The following RPS6KA6 variants were observed in gnomAD, a reference collection of about 807,000 sequenced individuals.
RPS6KA6 encodes the protein ribosomal protein S6 kinase A6.
Under a neutral mutation model 65.4 loss-of-function variants are expected in RPS6KA6, and 27 were observed. The observed-to-expected ratio is 0.41, with a 90% confidence interval of 0.30 to 0.57. The LOEUF is 0.57. Among genes scored for constraint, RPS6KA6 ranks in the 20% least tolerant of loss-of-function variants. The probability of loss-of-function intolerance (pLI) is 0.24; values close to 1 mark genes in which losing one functional copy is unlikely to be tolerated. For missense variants in RPS6KA6, 486 were observed against 555.6 expected, an observed-to-expected ratio of 0.87 and a Z score of 1.26; for synonymous variants, 190 against 184.2, an observed-to-expected ratio of 1.03 and a Z score of -0.26.
chrX:84,178,253 C>T (rs2035798291), intron 1 of RPS6KA6, among the ~76,000 whole-genome samples: 1 of 111,428 alleles, frequency 9.0e-6, no homozygotes, highest in Admixed American at 9.6e-5. Context: ...TACTAAGCAA[C>T]TAACAGGTCA....
chrX:84,161,396 T>C (rs1387287388), intron 2 of RPS6KA6, among the ~76,000 whole-genome samples: 2 of 111,832 alleles, frequency 1.8e-5, no homozygotes, highest in African/African-American at 3.2e-5. Flanking sequence ...CATTTTTTAG[T>C]TGAACAATAA....
intron 3 of RPS6KA6, among the ~76,000 whole-genome samples, chrX:84,150,856 T>TAGAGAGG (rs1332802767): frequency 1.4e-4 from 13 of 95,556 alleles, no homozygotes; most frequent in Admixed American, 2.5e-4. Flanking sequence ...GATATATATA[T>TAGAGAGG]ATAGAGGATA....
At chrX:84,184,620 G>A (rs1203797098) in intron 1 of RPS6KA6, among the ~76,000 whole-genome samples, 2 of 110,016 alleles carry the variant, frequency 1.8e-5, no homozygotes, top group African/African-American at 6.6e-5. Flanking sequence ...TTACTATAGG[G>A]TCTCATGAAA....
intron 20 of RPS6KA6, among the ~76,000 whole-genome samples, chrX:84,092,121 G>C (rs1024741318): frequency 5.4e-5 from 6 of 110,918 alleles, no homozygotes; most frequent in Non-Finnish European, 1.1e-4. Context: ...GTTGATAGGT[G>C]CAGCAAACCA....
At chrX:84,182,089 A>ACGTGC (rs1368160556) in intron 1 of RPS6KA6, among the ~76,000 whole-genome samples, 1 of 107,440 alleles carries the variant, frequency 9.3e-6, no homozygotes, top group Non-Finnish European at 1.9e-5. Flanking sequence ...ACACACACAC[A>ACGTGC]CACGTGCACA....
At position 84,106,950 on chromosome X, in the gene RPS6KA6, A is replaced by C; in HGVS notation, c.1202T>G (p.Ile401Ser). The change falls in exon 14 of 22, where the codon ATC (isoleucine) becomes AGC (serine). Residue 401 changes from isoleucine to serine, a missense_variant. Physicochemically the swap from Ile to Ser is moderately radical, Grantham distance 142. Transcript: ENST00000262752. Reference sequence around the variant, plus strand: ...TACATTTGCACTTGTGATAGGAGTGATTTTATATTCTTCTGCAATAGAAGT... The same window carrying C: ...TACATTTGCACTTGTGATAGGAGTGCTTTTATATTCTTCTGCAATAGAAGT... ...VATSIAEEYK[I>S]TPITSANVLP... 2 of 1,194,449 alleles carry C rather than the reference A, an allele frequency of 1.7e-6. No homozygotes were observed. Among genetic ancestry groups the C allele is most frequent in the Non-Finnish European group, 1.1e-6 (1 of 881,847 alleles).
chrX:84,149,628 G>C (rs750741567), intron 3 of RPS6KA6, among the ~76,000 whole-genome samples: 20 of 111,347 alleles, frequency 1.8e-4, no homozygotes, highest in Non-Finnish European at 3.2e-4. Context: ...TTTGAGAAAT[G>C]TCTTTTTTTT....
At chrX:84,091,028 A>T (rs1287337577) in intron 20 of RPS6KA6, among the ~76,000 whole-genome samples, 1 of 111,997 alleles carries the variant, frequency 8.9e-6, no homozygotes, top group African/African-American at 3.2e-5. Flanking sequence ...ACTGAAAATC[A>T]GTTCCAACTC....
chrX:84,080,692 T>A (rs1000660487), intron 20 of RPS6KA6, among the ~76,000 whole-genome samples: 1 of 107,804 alleles, frequency 9.3e-6, no homozygotes, highest in Admixed American at 1.0e-4. Context: ...CACCACCACA[T>A]CACACTTATT....
chrX:84,121,598 C>T (rs1184774653), intron 8 of RPS6KA6, among the ~76,000 whole-genome samples: 2 of 111,998 alleles, frequency 1.8e-5, no homozygotes, highest in Non-Finnish European at 3.8e-5. Flanking sequence ...ACATATGTCA[C>T]ACTGTAACAG....
At chrX:84,143,917 G>C (rs193137569) in intron 6 of RPS6KA6, among the ~76,000 whole-genome samples, 32 of 111,121 alleles carry the variant, frequency 2.9e-4, no homozygotes, top group African/African-American at 1.0e-3. Context: ...AAAAATGTAA[G>C]GTAATTCAGT....
chrX:84,179,203 C>CACAATT (rs2035812072), intron 1 of RPS6KA6, among the ~76,000 whole-genome samples: 1 of 110,751 alleles, frequency 9.0e-6, no homozygotes. Context: ...AAGTTAAAAT[C>CACAATT]ACAATTAGAT....
intron 1 of RPS6KA6, among the ~76,000 whole-genome samples, chrX:84,176,181 T>G (rs1260363624): frequency 2.7e-5 from 3 of 112,252 alleles, no homozygotes; most frequent in Non-Finnish European, 3.8e-5. Context: ...CAGGAATTTG[T>G]TTACTCTGCT....
intron 18 of RPS6KA6, among the ~76,000 whole-genome samples, chrX:84,101,391 C>T (rs2034256400): frequency 9.1e-6 from 1 of 110,445 alleles, no homozygotes; most frequent in African/African-American, 3.3e-5. Context: ...GAAATCTGTA[C>T]CACAGCCTCC....
At chrX:84,141,400 A>C (rs190216053) in intron 6 of RPS6KA6, among the ~76,000 whole-genome samples, 2 of 107,274 alleles carry the variant, frequency 1.9e-5, no homozygotes, top group Admixed American at 2.2e-4. Flanking sequence ...AGAGATAAAA[A>C]TGAAATTGTA....
At chrX:84,074,231 G>A (rs771496156) in intron 20 of RPS6KA6, among the ~76,000 whole-genome samples, 14 of 111,796 alleles carry the variant, frequency 1.3e-4, no homozygotes, top group African/African-American at 4.5e-4. Flanking sequence ...AAACCTGGAA[G>A]ACATTATGTT....
intron 20 of RPS6KA6, among the ~76,000 whole-genome samples, chrX:84,083,989 T>C (rs991350418): frequency 8.9e-6 from 1 of 112,622 alleles, no homozygotes; most frequent in Non-Finnish European, 1.9e-5. Flanking sequence ...TGAGCTTTTT[T>C]ACCTATATTT....
At chrX:84,126,879 C>T (rs1218426575) in intron 8 of RPS6KA6, among the ~76,000 whole-genome samples, 1 of 108,079 alleles carries the variant, frequency 9.3e-6, no homozygotes, top group Non-Finnish European at 1.9e-5. Flanking sequence ...GCTGAAAGTG[C>T]TTACATCAAA....
intron 8 of RPS6KA6, among the ~76,000 whole-genome samples, chrX:84,121,939 T>G (rs186381666): frequency 8.9e-6 from 1 of 111,865 alleles, no homozygotes; most frequent in Admixed American, 9.4e-5. Flanking sequence ...GAAAATGGTA[T>G]TAAGAAAATG....
Sources: allele counts gnomAD v4.1 joint callset (sites outside exome capture counted in the v4.1 genomes callset), GRCh38; gene constraint gnomAD v4.1.1; transcripts MANE v1.5; gene names NCBI Gene and HGNC (gene_info 2026-07-23, HGNC 2026-07-21).